The following GREB1 variants were observed in gnomAD, a reference collection of about 807,000 sequenced individuals.
The protein encoded by GREB1 is protein GREB1.
Under a neutral mutation model 200.7 loss-of-function variants are expected in GREB1, and 106 were observed. That is an observed-to-expected ratio of 0.53 (90% CI 0.45 to 0.62). GREB1 has a LOEUF of 0.62. Ranked by LOEUF, GREB1 falls within the 20% of genes least tolerant of loss-of-function variation. The probability of loss-of-function intolerance (pLI) is 0.00; values close to 1 mark genes in which losing one functional copy is unlikely to be tolerated. For synonymous variants in GREB1, 1,132 were observed against 1,092.4 expected, an observed-to-expected ratio of 1.04 and a Z score of -0.72; for missense variants, 2,243 against 2,556.8, an observed-to-expected ratio of 0.88 and a Z score of 2.65.
chr2:11,620,767 T>C (rs1161666977), intron 22 of GREB1, 138 bp from the exon 23 acceptor site: 2 of 604,126 alleles, frequency 3.3e-6, no homozygotes, highest in East Asian at 5.3e-5. Flanking sequence ...CAAATATCTT[T>C]GCATCCACAG....
chr2:11,638,128 TTTTG>T lies in GREB1; in HGVS notation c.5547+236_5547+239del, dbSNP rs376136406. Among the ~76,000 whole-genome samples the T allele has an allele frequency of 3.7e-3, 558 of 152,238 alleles. 5 individuals carry two copies. Among genetic ancestry groups the T allele is most frequent in the Non-Finnish European group, 5.6e-3 (379 of 68,008 alleles). ...GCCAGCCCAATTCTGATGCCCAAAC[TTTTG>T]TTTGTTTGTTTGTTTGTTTGTTTTT... On this transcript the variant is annotated intron_variant, in intron 31 of 32. Transcript: ENST00000381486.
chr2:11,587,087 A>G (rs2148132860), intron 9 of GREB1, among the ~76,000 whole-genome samples: 1 of 152,240 alleles, frequency 6.6e-6, no homozygotes, highest in Middle Eastern at 3.4e-3. Flanking sequence ...CACACGAGCA[A>G]TCTCAGAATA....
chr2:11,515,034 C>T (rs1481375671), intron 1 of GREB1, among the ~76,000 whole-genome samples: 1 of 151,846 alleles, frequency 6.6e-6, no homozygotes, highest in African/African-American at 2.4e-5. Flanking sequence ...GACCATCTAT[C>T]TATCCATCCA....
At chr2:11,547,727 T>C (rs1561016) in intron 1 of GREB1, among the ~76,000 whole-genome samples, 10,760 of 152,300 alleles carry the variant, frequency 0.071, 431 homozygotes, top group Middle Eastern at 0.13. Flanking sequence ...TTTAAAACCA[T>C]TTTTAAATTC....
rs1032163728 is a variant in GREB1 at position 11,640,097 on chromosome 2, G to A, written c.5687-194G>A. ...TCCGTGTTTTCTCCCCCGCACACCTGCCACATCCCAGCCACACTCCTGTCT... is the reference window on the plus strand; with the variant it reads ...TCCGTGTTTTCTCCCCCGCACACCTACCACATCCCAGCCACACTCCTGTCT... On this transcript the variant is annotated intron_variant, in intron 32 of 32. Transcript: ENST00000381486. The surrounding 1 kb of genome is among the most constrained non-coding windows in gnomAD (Gnocchi z 4.6). 6.6e-6 allele frequency among the ~76,000 whole-genome samples: 1 copy of A among 152,066 alleles called. No individual in the cohort carries two copies. The highest frequency in any genetic ancestry group is 1.5e-5 in the Non-Finnish European group (1 of 68,020).
chr2:11,503,819 T>C (rs919911113), intron 1 of GREB1, among the ~76,000 whole-genome samples: 5 of 145,834 alleles, frequency 3.4e-5, no homozygotes, highest in African/African-American at 1.3e-4. Context: ...ATATTCTGAC[T>C]TTAACAGGTT....
At chr2:11,514,961 T>C (rs1376877937) in intron 1 of GREB1, among the ~76,000 whole-genome samples, 6 of 149,968 alleles carry the variant, frequency 4.0e-5, no homozygotes, top group Admixed American at 4.0e-4. Context: ...TCCTCCACTA[T>C]CCATCCATCC....
In GREB1 at chr2:11,580,807, G is replaced by A. The variant is rs1306944847; in HGVS notation, c.876G>A (p.Leu292=). ...AACAACTGGCAAAGAATAACCTGTT[G>A]GCCCTGCCGCGACCATCGGCTTTAG... The part of the protein sequence containing the change: ...KCQQLAKNNL[L]ALPRPSALGI... The change falls in exon 7 of 33, where the codon TTG becomes TTA. Residue 292 remains leucine, a synonymous_variant. Coordinates refer to ENST00000381486, the MANE Select transcript of GREB1 (RefSeq NM_014668.4). The surrounding 1 kb of genome is among the most constrained non-coding windows in gnomAD (Gnocchi z 4.5). The A allele has an allele frequency of 3.7e-6, 6 of 1,614,098 alleles. No homozygotes were observed. The highest frequency in any genetic ancestry group is 4.2e-6 in the Non-Finnish European group (5 of 1,180,046).
At position 11,618,715 on chromosome 2, in the gene GREB1, C is replaced by T. The variant is rs756785443; in HGVS notation, c.3840C>T (p.Ala1280=). The T allele has an allele frequency of 4.5e-5, 72 of 1,613,526 alleles. No homozygotes were observed. The highest frequency in any genetic ancestry group is 8.9e-5 in the East Asian group (4 of 44,882). The change falls in exon 22 of 33, where the codon GCC becomes GCT. Residue 1280 remains alanine, a synonymous_variant. Transcript: ENST00000381486. The part of the protein sequence containing the change: ...VSTDSSGLPK[A]ASLLPSPSVM... ...CTGACAGCAGTGGCCTGCCCAAGGC[C>T]GCCTCCCTCCTGCCCTCCCCCTCGG... is the stretch of plus-strand genomic sequence containing the variant.
intron 14 of GREB1, 117 bp from the exon 15 acceptor site, chr2:11,598,563 C>G: frequency 1.1e-6 from 1 of 869,856 alleles, no homozygotes; most frequent in Non-Finnish European, 1.8e-6. Flanking sequence ...CCTGCTCTTG[C>G]ATCTCTGAGT....
chr2:11,495,868 C>T (rs1299043989), intron 1 of GREB1, among the ~76,000 whole-genome samples: 1 of 150,664 alleles, frequency 6.6e-6, no homozygotes, highest in Non-Finnish European at 1.5e-5. Context: ...AAGGAAGGGC[C>T]CAGCGTCACT....
Position 11,615,117 on chromosome 2 carries a change from T to C in GREB1, c.3149T>C (p.Leu1050Ser), listed in dbSNP as rs771743771. ...PRSLRYCDLR[L>S]INSSCLVRTA... ...TCTTTGAGGTACTGTGACCTGCGAT[T>C]GATAAACTCCTCCTGCTTGGTGAGA... The change falls in exon 20 of 33, where the codon TTG becomes TCG. Residue 1050 changes from leucine to serine, a missense_variant. This residue lies in a region of GREB1 where 1,178 missense variants were observed against 1,387.4 expected (regional missense o/e 0.85). Transcript: ENST00000381486. The C allele has an allele frequency of 1.2e-6, 2 of 1,614,006 alleles. No individual in the cohort carries two copies. Among genetic ancestry groups the C allele is most frequent in the African/African-American group, 2.7e-5 (2 of 74,936 alleles).
chr2:11,597,632 C>A lies in GREB1; in HGVS notation c.1955-149C>A. 1.5e-6 allele frequency: 1 copy of A among 682,932 alleles called. No homozygotes were observed. 42.3% of individuals were successfully genotyped at this position (682,932 alleles called of 1,614,324 possible). On this transcript the variant is annotated intron_variant, in intron 13 of 32. Coordinates refer to ENST00000381486, the MANE Select transcript of GREB1 (RefSeq NM_014668.4). The surrounding 1 kb of genome is among the most constrained non-coding windows in gnomAD (Gnocchi z 4.1). ...GCCACTGCTTAGCTGAGAGCAGGGA[C>A]TTGATAAACGTGAGTTATTCCCCTT... is the stretch of plus-strand genomic sequence containing the variant.
rs1055145997 is a variant in GREB1 at position 11,641,562 on chromosome 2, T to A, written c.*1108T>A. On this transcript the variant is annotated 3_prime_UTR_variant, in exon 33 of 33. Transcript: ENST00000381486. Reference sequence around the variant, plus strand: ...GTGCAGTGGTGCGATCTCGGCTCACTGCAAGCTCCGCCTCCCGGGTTCTCA... The same window carrying A: ...GTGCAGTGGTGCGATCTCGGCTCACAGCAAGCTCCGCCTCCCGGGTTCTCA... 1 of 152,230 alleles carries A rather than the reference T, an allele frequency of 6.6e-6. No homozygotes were observed. The highest frequency in any genetic ancestry group is 1.5e-5 in the Non-Finnish European group (1 of 68,108). The allele number at this position is 152,230 out of a possible 1,614,324, so 9.4% of individuals were successfully genotyped here.
chr2:11,560,124 G>C (rs771394698), intron 2 of GREB1, among the ~76,000 whole-genome samples: 126 of 152,328 alleles, frequency 8.3e-4, no homozygotes, highest in Non-Finnish European at 1.6e-3. Flanking sequence ...CAGAACTCCA[G>C]GTGACCTTAG....
At chr2:11,486,744 T>C (rs565542478) in intron 1 of GREB1, among the ~76,000 whole-genome samples, 7 of 152,116 alleles carry the variant, frequency 4.6e-5, no homozygotes, top group African/African-American at 1.4e-4. Context: ...GGTGTGTGCC[T>C]GTAATTCCAG....
intron 4 of GREB1, among the ~76,000 whole-genome samples, chr2:11,568,159 A>G (rs1487688597): frequency 1.3e-5 from 2 of 152,238 alleles, no homozygotes; most frequent in Admixed American, 1.3e-4. Context: ...CATATTTTCC[A>G]TGAGTATAGA....
intron 1 of GREB1, among the ~76,000 whole-genome samples, chr2:11,504,401 G>T (rs957987083): frequency 6.6e-6 from 1 of 152,194 alleles, no homozygotes; most frequent in Non-Finnish European, 1.5e-5. Flanking sequence ...TTTTAATAGA[G>T]ATATAATTCA....
chr2:11,599,679 C>T (rs2148233166), intron 15 of GREB1, among the ~76,000 whole-genome samples: 1 of 152,222 alleles, frequency 6.6e-6, no homozygotes, highest in South Asian at 2.1e-4. Flanking sequence ...TGCCACCACA[C>T]CTGGCTAATT....
Sources: allele counts gnomAD v4.1 joint callset (sites outside exome capture counted in the v4.1 genomes callset), GRCh38; gene constraint gnomAD v4.1.1; regional missense constraint gnomAD v4.1.1; non-coding constraint Gnocchi (gnomAD v3.1); transcripts MANE v1.5; gene names NCBI Gene and HGNC (gene_info 2026-07-23, HGNC 2026-07-21).